The following HMGA2 variants were observed in gnomAD, a reference collection of about 807,000 sequenced individuals.
HMGA2 encodes the protein high mobility group protein HMGI-C.
In HMGA2, 8 loss-of-function variants were observed where a neutral mutation model predicts 19.1. The ratio of observed to expected loss-of-function variants is 0.42; its 90% CI spans 0.25 to 0.76. The LOEUF (loss-of-function observed/expected upper bound fraction) is 0.76. Among genes scored for constraint, HMGA2 ranks in the 30% least tolerant of loss-of-function variants. The probability of loss-of-function intolerance (pLI) is 0.28; values close to 1 mark genes in which losing one functional copy is unlikely to be tolerated. For synonymous variants in HMGA2, 60 were observed against 48.8 expected (o/e 1.23, Z -0.96); for missense variants, 109 against 136.3 (o/e 0.80, Z 1.00).
At chr12:65,834,832 T>C (rs1481688770) in intron 2 of HMGA2, among the ~76,000 whole-genome samples, 6 of 152,226 alleles carry the variant, frequency 3.9e-5, no homozygotes, top group Admixed American at 3.3e-4. Context: ...ATATTTCCCA[T>C]TTAACATTTC....
chr12:65,824,715 C>CTT lies in HMGA2; in HGVS notation c.-555_-554insTT, dbSNP rs1870027674. On this transcript the variant is annotated 5_prime_UTR_variant, in exon 1 of 5. Transcript: ENST00000403681. Reference sequence around the variant, plus strand: ...AAGGCACTTTCAATCTCAATCTCTTCTCTCTCTCTCTCTCTCTCTCTCTCT... The same window carrying CTT: ...AAGGCACTTTCAATCTCAATCTCTTCTTTCTCTCTCTCTCTCTCTCTCTCTCT... 5.0e-5 allele frequency: 1 copy of CTT among 20,138 alleles called. No individual in the cohort carries two copies. The highest frequency in any genetic ancestry group is 7.7e-4 in the East Asian group (1 of 1,302). The allele number at this position is 20,138 out of a possible 1,614,324, so 1.2% of individuals were successfully genotyped here.
Position 65,914,745 on chromosome 12 carries a change from G to A in HMGA2, c.250-36638G>A, listed in dbSNP as rs186489616. The stretch of plus-strand genomic sequence containing the variant: ...GCTGGAGTGCAGTGGTACAATCTCG[G>A]CTCATTGCAACCTCCACCTCCCAGG... On this transcript the variant is annotated intron_variant, in intron 3 of 4. Coordinates refer to ENST00000403681, the MANE Select transcript of HMGA2 (RefSeq NM_003483.6). The A allele has an allele frequency of 2.5e-5, 9 of 363,890 alleles. No individual in the cohort carries two copies. The East Asian group carries it at 4.4e-4, about 18-fold the overall frequency. 22.5% of individuals were successfully genotyped at this position (363,890 alleles called of 1,614,324 possible).
At chr12:65,936,996 T>G (rs1875918601) in intron 3 of HMGA2, among the ~76,000 whole-genome samples, 1 of 152,192 alleles carries the variant, frequency 6.6e-6, no homozygotes, top group African/African-American at 2.4e-5. Context: ...CCCAGTGAGT[T>G]ATTTGGAGGA....
chr12:65,842,747 T>C (rs1871055353), intron 3 of HMGA2: 3 of 1,404,858 alleles, frequency 2.1e-6, no homozygotes, highest in Non-Finnish European at 1.9e-6. Flanking sequence ...AGAATTCCAT[T>C]AGCCAGTCCT....
intron 3 of HMGA2, among the ~76,000 whole-genome samples, chr12:65,929,754 C>T (rs1875639915): frequency 6.6e-6 from 1 of 152,094 alleles, no homozygotes; most frequent in African/African-American, 2.4e-5. Context: ...CAATTTTAAA[C>T]TAAATTCAAC....
chr12:65,963,573 T>A lies in HMGA2; in HGVS notation c.*281T>A. The A allele has an allele frequency of 2.1e-6, 1 of 471,096 alleles. No individual in the cohort carries two copies. Among genetic ancestry groups the A allele is most frequent in the Non-Finnish European group, 3.8e-6 (1 of 264,146 alleles). The allele number at this position is 471,096 out of a possible 1,614,324, so 29.2% of individuals were successfully genotyped here. A position where few individuals can be genotyped will look rare whatever the true frequency, so the allele number is the denominator to read the frequency against. ...GCTTAACAATGCAACTTTTAATTACTGTTTTCTTTTTTCTTAACCTACTAA... is the reference window on the plus strand; with the variant it reads ...GCTTAACAATGCAACTTTTAATTACAGTTTTCTTTTTTCTTAACCTACTAA... On this transcript the variant is annotated 3_prime_UTR_variant, in exon 5 of 5. Coordinates refer to ENST00000403681, the MANE Select transcript of HMGA2 (RefSeq NM_003483.6).
chr12:65,934,358 A>G (rs1357906663), intron 3 of HMGA2, among the ~76,000 whole-genome samples: 2 of 152,152 alleles, frequency 1.3e-5, no homozygotes, highest in Non-Finnish European at 2.9e-5. Flanking sequence ...CATATTCTCT[A>G]ATAACATCAG....
intron 3 of HMGA2, among the ~76,000 whole-genome samples, chr12:65,845,742 G>A (rs1440054679): frequency 6.6e-6 from 1 of 152,214 alleles, no homozygotes; most frequent in African/African-American, 2.4e-5. Context: ...TGGGCAGGTT[G>A]CTTAATTTAT....
intron 3 of HMGA2, among the ~76,000 whole-genome samples, chr12:65,866,516 T>G (rs552759884): frequency 6.6e-6 from 1 of 152,284 alleles, no homozygotes; most frequent in East Asian, 1.9e-4. Context: ...GCATTCACCT[T>G]TGTCTTCTTT....
intron 3 of HMGA2, chr12:65,859,335 C>T (rs1380063160): frequency 6.6e-6 from 1 of 152,212 alleles, no homozygotes; most frequent in Non-Finnish European, 1.5e-5. Flanking sequence ...TTGTCTCTCC[C>T]CTGCTCTTGT....
intron 3 of HMGA2, among the ~76,000 whole-genome samples, chr12:65,876,548 C>T (rs1873039390): frequency 6.6e-6 from 1 of 152,138 alleles, no homozygotes; most frequent in South Asian, 2.1e-4. Flanking sequence ...ATCCTACAAC[C>T]CCAGAAAGAG....
At chr12:65,826,249 G>C (rs1450832831) in intron 1 of HMGA2, 2 of 152,372 alleles carry the variant, frequency 1.3e-5, no homozygotes, top group Non-Finnish European at 2.9e-5. Context: ...GGGGACGATC[G>C]AGGGGCGCCC....
chr12:65,934,308 A>G (rs1324014210), intron 3 of HMGA2, among the ~76,000 whole-genome samples: 2 of 152,120 alleles, frequency 1.3e-5, no homozygotes, highest in African/African-American at 2.4e-5. Context: ...ATCCAGTGAC[A>G]TTTTCCCATG....
intron 3 of HMGA2, among the ~76,000 whole-genome samples, chr12:65,872,010 C>T (rs1017540515): frequency 6.6e-6 from 1 of 152,132 alleles, no homozygotes; most frequent in Non-Finnish European, 1.5e-5. Context: ...GACAGCCTGT[C>T]CTTGTTAGAC....
At chr12:65,862,464 A>G (rs1486098944) in intron 3 of HMGA2, among the ~76,000 whole-genome samples, 1 of 152,188 alleles carries the variant, frequency 6.6e-6, no homozygotes, top group Non-Finnish European at 1.5e-5. Flanking sequence ...TTTATATTAC[A>G]CAGTAATTGA....
intron 3 of HMGA2, among the ~76,000 whole-genome samples, chr12:65,936,226 T>TG (rs397712780): frequency 6.6e-6 from 1 of 151,284 alleles, no homozygotes; most frequent in Non-Finnish European, 1.5e-5. Flanking sequence ...TTTTTTTTTT[T>TG]GGCCTTACAA....
chr12:65,838,597 T>C (rs200358165), intron 3 of HMGA2, 28 bp downstream of exon 3: 2 of 1,534,910 alleles, frequency 1.3e-6, no homozygotes, highest in Admixed American at 1.7e-5. Context: ...ATTTTTCTTC[T>C]TTTTTTTAAA....
intron 3 of HMGA2, among the ~76,000 whole-genome samples, chr12:65,908,454 A>G (rs1194817398): frequency 2.0e-5 from 3 of 152,106 alleles, no homozygotes; most frequent in African/African-American, 7.2e-5. Context: ...TGTCTTCCAG[A>G]TATTTCCCTT....
intron 3 of HMGA2, among the ~76,000 whole-genome samples, chr12:65,874,956 A>G (rs1872905398): frequency 6.6e-6 from 1 of 152,106 alleles, no homozygotes; most frequent in Non-Finnish European, 1.5e-5. Flanking sequence ...TACTTATTTT[A>G]TCTTCTCATC....
Sources: gnomAD v4.1 joint callset for allele counts (sites outside exome capture counted in the v4.1 genomes callset) on GRCh38, gnomAD v4.1.1 for gene constraint, MANE v1.5 for transcripts, NCBI Gene and HGNC (gene_info 2026-07-23, HGNC 2026-07-21) for gene names.